Variants in RETREG1 observed in about 807,000 individuals in gnomAD.
RETREG1 encodes reticulophagy regulator 1.
RETREG1 carries 44 observed loss-of-function variants against 54.8 expected under a neutral mutation model. The observed-to-expected ratio is 0.80, with a 90% CI of 0.63 to 1.03. RETREG1 has a LOEUF of 1.03. Ranked by LOEUF, RETREG1 falls within the 50% of genes least tolerant of loss-of-function variation. The probability of loss-of-function intolerance (pLI) is 0.00; values close to 1 mark genes in which losing one functional copy is unlikely to be tolerated. For missense variants in RETREG1, 554 were observed against 605.1 expected (o/e 0.92, Z 0.89); for synonymous variants, 217 against 238.5 (o/e 0.91, Z 0.83).
chr5:16,616,269 G>A (rs1219353697), intron 1 of RETREG1: 2 of 220,400 alleles, frequency 9.1e-6, no homozygotes, highest in Non-Finnish European at 1.8e-5. Flanking sequence ...GGGGCTGCAA[G>A]AACCAAGACA....
At chr5:16,540,734 C>G (rs1324592330) in intron 3 of RETREG1, among the ~76,000 whole-genome samples, 1 of 152,196 alleles carries the variant, frequency 6.6e-6, no homozygotes, top group Non-Finnish European at 1.5e-5. Flanking sequence ...ACAGGTCTTC[C>G]TCACACCAGC....
At chr5:16,577,356 C>T (rs1286845154) in intron 1 of RETREG1, among the ~76,000 whole-genome samples, 1 of 151,182 alleles carries the variant, frequency 6.6e-6, no homozygotes, top group Non-Finnish European at 1.5e-5. Context: ...AAGAGACACG[C>T]AGACTGTCTG....
intron 1 of RETREG1, among the ~76,000 whole-genome samples, chr5:16,600,279 G>C (rs568623514): frequency 6.6e-6 from 1 of 152,196 alleles, no homozygotes; most frequent in Non-Finnish European, 1.5e-5. Flanking sequence ...GGGATTACAG[G>C]CGTTAGCCAC....
intron 2 of RETREG1, among the ~76,000 whole-genome samples, chr5:16,568,879 A>C (rs1742095053): frequency 6.6e-6 from 1 of 152,338 alleles, no homozygotes; most frequent in Middle Eastern, 3.4e-3. Context: ...TCTCAACAAT[A>C]AAAGTTTCAT....
At chr5:16,503,144 C>T (rs983669717) in intron 3 of RETREG1, among the ~76,000 whole-genome samples, 3 of 152,132 alleles carry the variant, frequency 2.0e-5, no homozygotes, top group Admixed American at 2.0e-4. Context: ...CTCACTGGGG[C>T]ACTGAAAAGG....
intron 1 of RETREG1, among the ~76,000 whole-genome samples, chr5:16,576,166 G>C (rs1348489534): frequency 6.6e-6 from 1 of 152,006 alleles, no homozygotes; most frequent in Non-Finnish European, 1.5e-5. Flanking sequence ...GGGTAATCTT[G>C]TTTCTTCCAT....
Position 16,478,978 on chromosome 5 carries a change from G to T in RETREG1, c.680C>A (p.Ala227Glu). 6.2e-7 allele frequency: 1 copy of T among 1,611,630 alleles called. No individual in the cohort carries two copies. The highest frequency in any genetic ancestry group is 8.5e-7 in the Non-Finnish European group (1 of 1,178,656). The change falls in exon 6 of 9, where the codon GCA becomes GAA. Residue 227 changes from alanine to glutamate, a missense_variant. This residue lies in a region of RETREG1 where 347 missense variants were observed against 412.3 expected (regional missense o/e 0.84). Transcript: ENST00000306320. ...VILSYLLLLC[A>E]FLCPLFKCND... The stretch of plus-strand genomic sequence containing the variant: ...ACATTTAAACAATGGACACAAAAAT[G>T]CACACAGTACTGAAAGAAGAAAGAG...
At chr5:16,569,410 G>A (rs979973380) in intron 2 of RETREG1, among the ~76,000 whole-genome samples, 3 of 152,012 alleles carry the variant, frequency 2.0e-5, no homozygotes, top group Non-Finnish European at 4.4e-5. Flanking sequence ...TTGCAGGGAG[G>A]CTCTGCCTCG....
chr5:16,551,237 G>A (rs1741532420), intron 3 of RETREG1, among the ~76,000 whole-genome samples: 1 of 151,880 alleles, frequency 6.6e-6, no homozygotes, highest in Non-Finnish European at 1.5e-5. Context: ...CTCATCCTCA[G>A]GCCCTTGAAT....
intron 3 of RETREG1, among the ~76,000 whole-genome samples, chr5:16,546,314 G>A (rs980801132): frequency 1.3e-5 from 2 of 152,138 alleles, no homozygotes; most frequent in African/African-American, 4.8e-5. Context: ...ACCACAGGCG[G>A]TGTACCACCA....
At chr5:16,613,126 G>GA (rs1561140103) in intron 1 of RETREG1, among the ~76,000 whole-genome samples, 6 of 151,544 alleles carry the variant, frequency 4.0e-5, no homozygotes, top group African/African-American at 1.5e-4. Context: ...GTTGCCTACA[G>GA]AAAAAACAAA....
intron 8 of RETREG1, among the ~76,000 whole-genome samples, chr5:16,475,972 G>A (rs78377787): frequency 0.031 from 4,728 of 152,212 alleles, 251 homozygotes; most frequent in African/African-American, 0.11. Flanking sequence ...GAAAAGCCTT[G>A]TATGTGGCTT....
At chr5:16,503,038 A>G (rs4702147) in intron 3 of RETREG1, among the ~76,000 whole-genome samples, 35,281 of 152,244 alleles carry the variant, frequency 0.23, 4,417 homozygotes, top group Middle Eastern at 0.31. Context: ...TAAACCAGAG[A>G]CACCTTCATC....
chr5:16,552,567 C>T (rs890131851), intron 3 of RETREG1, among the ~76,000 whole-genome samples: 1 of 152,190 alleles, frequency 6.6e-6, no homozygotes, highest in Admixed American at 6.5e-5. Flanking sequence ...AAAACACAAC[C>T]ATTTGTCATT....
intron 1 of RETREG1, among the ~76,000 whole-genome samples, chr5:16,612,322 C>A (rs747151121): frequency 6.6e-6 from 1 of 152,030 alleles, no homozygotes; most frequent in African/African-American, 2.4e-5. Flanking sequence ...TGGTAAACCA[C>A]AAAAAGTTGA....
chr5:16,613,421 C>A (rs1431696032), intron 1 of RETREG1, among the ~76,000 whole-genome samples: 3 of 152,034 alleles, frequency 2.0e-5, no homozygotes, highest in Admixed American at 1.3e-4. Flanking sequence ...ATCCACAATA[C>A]CACGTTCCCC....
At chr5:16,515,446 G>A (rs1318930615) in intron 3 of RETREG1, among the ~76,000 whole-genome samples, 2 of 152,026 alleles carry the variant, frequency 1.3e-5, no homozygotes, top group Admixed American at 1.3e-4. Context: ...TTTGGCCTGA[G>A]AATTTTTTTA....
intron 1 of RETREG1, among the ~76,000 whole-genome samples, chr5:16,587,493 A>G (rs1448267015): frequency 6.6e-6 from 1 of 152,134 alleles, no homozygotes; most frequent in Non-Finnish European, 1.5e-5. Context: ...ACCAATCTCA[A>G]TGTACCAGAC....
At chr5:16,562,962 A>G (rs1579686548) in intron 3 of RETREG1, among the ~76,000 whole-genome samples, 1 of 151,590 alleles carries the variant, frequency 6.6e-6, no homozygotes, top group East Asian at 2.0e-4. Flanking sequence ...TACCACACCA[A>G]TGTAGGATGC....
Sources: allele counts gnomAD v4.1 joint callset (sites outside exome capture counted in the v4.1 genomes callset), GRCh38; gene constraint gnomAD v4.1.1; regional missense constraint gnomAD v4.1.1; transcripts MANE v1.5; gene names NCBI Gene and HGNC (gene_info 2026-07-23, HGNC 2026-07-21).